Variants in NFATC3 observed in about 807,000 individuals in gnomAD.
NFATC3 encodes nuclear factor of activated T-cells, cytoplasmic 3.
A neutral mutation model predicts 98.6 loss-of-function variants in NFATC3; 46 were observed. The ratio of observed to expected loss-of-function variants is 0.47; its 90% confidence interval spans 0.37 to 0.60. The LOEUF (loss-of-function observed/expected upper bound fraction) is 0.60. Among genes scored for constraint, NFATC3 ranks in the 20% least tolerant of loss-of-function variants. NFATC3 has a pLI of 0.00. For synonymous variants in NFATC3, 512 were observed against 472.2 expected, an observed-to-expected ratio of 1.08 and a Z score of -1.09; for missense variants, 1,256 against 1,295.5, an observed-to-expected ratio of 0.97 and a Z score of 0.47.
At chr16:68,218,774 A>G (rs1253693516) in intron 9 of NFATC3, among the ~76,000 whole-genome samples, 2 of 150,672 alleles carry the variant, frequency 1.3e-5, no homozygotes, top group Non-Finnish European at 3.0e-5. Context: ...GGGTTTCACC[A>G]TGTTAGCCAG....
At chr16:68,102,377 A>G (rs1246890070) in intron 1 of NFATC3, among the ~76,000 whole-genome samples, 1 of 148,034 alleles carries the variant, frequency 6.8e-6, no homozygotes, top group Non-Finnish European at 1.5e-5. Context: ...ATCTCAGGAA[A>G]AAAAAAAAAA....
chr16:68,174,488 A>C lies in NFATC3; in HGVS notation c.1889A>C (p.Lys630Thr), dbSNP rs1285382113. The C allele has an allele frequency of 6.2e-7, 1 of 1,602,574 alleles. No individual in the cohort carries two copies. The highest frequency in any genetic ancestry group is 8.5e-7 in the Non-Finnish European group (1 of 1,175,430). The change falls in exon 6 of 10, where the codon AAA becomes ACA. Residue 630 changes from lysine to threonine, a missense_variant. Around this residue, in one of 3 missense-constraint regions of NFATC3, gnomAD observed 636 missense variants for 617.3 expected, o/e 1.03. Transcript: ENST00000346183. ...VTGSNFLPES[K>T]IIFLEKGQDG... is the part of the protein sequence containing the mutation. ...GGATCTAATTTTCTTCCAGAATCCA[A>C]AATCATTTTTCTTGAAAAAGGACAA...
chr16:68,220,221 C>T (rs532726271), intron 9 of NFATC3, among the ~76,000 whole-genome samples: 1 of 152,114 alleles, frequency 6.6e-6, no homozygotes, highest in African/African-American at 2.4e-5. Context: ...TCACTTTGCT[C>T]TTTAAAGGGA....
intron 3 of NFATC3, among the ~76,000 whole-genome samples, chr16:68,156,838 C>G (rs2038644248): frequency 6.6e-6 from 1 of 152,042 alleles, no homozygotes; most frequent in African/African-American, 2.4e-5. Context: ...ACTCGGGAGG[C>G]TGAGGCAGGA....
chr16:68,124,383 A>G (rs1209229078), intron 2 of NFATC3, among the ~76,000 whole-genome samples: 1 of 150,352 alleles, frequency 6.7e-6, no homozygotes, highest in African/African-American at 2.4e-5. Context: ...AAGTGCCAGG[A>G]TTACAGGCAG....
chr16:68,091,255 G>C (rs898938566), intron 1 of NFATC3, among the ~76,000 whole-genome samples: 1 of 152,134 alleles, frequency 6.6e-6, no homozygotes, highest in South Asian at 2.1e-4. Flanking sequence ...AGTTGTGGGG[G>C]TTAAGTAAGG....
In NFATC3 at chr16:68,085,972, G is replaced by A. The variant is rs1227776314; in HGVS notation, c.103+188G>A. On this transcript the variant is annotated intron_variant, in intron 1 of 9. Transcript: ENST00000346183. ...GAGGCGTGTGGGTCGCTGCGACGTG[G>A]AAGTGGTGGCGGGCTTGGCTGGAAG... 6 of 467,900 alleles carry A rather than the reference G, an allele frequency of 1.3e-5. No homozygotes were observed. The Admixed American group carries it at 1.8e-4, about 14-fold the overall frequency. The allele number at this position is 467,900 out of a possible 1,614,324, so 29.0% of individuals were successfully genotyped here.
chr16:68,151,061 G>C (rs1277612876), intron 3 of NFATC3, among the ~76,000 whole-genome samples: 2 of 152,094 alleles, frequency 1.3e-5, no homozygotes, highest in Non-Finnish European at 2.9e-5. Flanking sequence ...TAATACAGTA[G>C]TTTAAAAGTA....
rs555748423 is a variant in NFATC3, at chr16:68,130,066, A to G, written c.1401+3456A>G. ...TCCATTCATCCACTGACGAACACTT[A>G]TTTTGGTTCCATATCTTGGCCGTTA... On this transcript the variant is annotated intron_variant, in intron 3 of 9. Coordinates refer to ENST00000346183, the MANE Select transcript of NFATC3 (RefSeq NM_173165.3). Among the ~76,000 whole-genome samples, 24 of 152,284 alleles carry G rather than the reference A, an allele frequency of 1.6e-4. No homozygotes were observed. In the South Asian group the frequency reaches 5.0e-3, roughly 32 times the overall value.
chr16:68,204,812 G>T (rs904646279), intron 9 of NFATC3, among the ~76,000 whole-genome samples: 3 of 152,172 alleles, frequency 2.0e-5, no homozygotes, highest in East Asian at 1.9e-4. Context: ...GGAACAAAAA[G>T]ATTTTTTAAT....
rs536543682 is a variant in NFATC3, at chr16:68,111,212, T to G, written c.104-10775T>G. Among the ~76,000 whole-genome samples the G allele has an allele frequency of 4.6e-5, 7 of 152,348 alleles. No homozygotes were observed. In the South Asian group the frequency reaches 8.3e-4, roughly 18 times the overall value. ...TTTGTCTCGATGATCTGTCTGATAT[T>G]GACAGTGGGGTGTTAAGTCTCCCAC... On this transcript the variant is annotated intron_variant, in intron 1 of 9. Transcript: ENST00000346183.
At chr16:68,095,104 A>T (rs948275219) in intron 1 of NFATC3, among the ~76,000 whole-genome samples, 4 of 152,156 alleles carry the variant, frequency 2.6e-5, no homozygotes, top group Non-Finnish European at 5.9e-5. Context: ...TCTGTTAGGG[A>T]GGAAGAAAGA....
At chr16:68,213,907 T>G (rs945640066) in intron 9 of NFATC3, among the ~76,000 whole-genome samples, 4 of 152,222 alleles carry the variant, frequency 2.6e-5, no homozygotes, top group African/African-American at 9.6e-5. Flanking sequence ...AGATTTTGAT[T>G]TTGTGGTTTG....
chr16:68,094,461 TA>T (rs2034900167), intron 1 of NFATC3, among the ~76,000 whole-genome samples: 1 of 152,182 alleles, frequency 6.6e-6, no homozygotes, highest in African/African-American at 2.4e-5. Context: ...TGATTGAATT[TA>T]GGATGCAAGG....
chr16:68,099,710 C>T (rs868362207), intron 1 of NFATC3, among the ~76,000 whole-genome samples: 3 of 152,082 alleles, frequency 2.0e-5, no homozygotes, highest in Non-Finnish European at 2.9e-5. Context: ...AACCCAGTCT[C>T]AAATTCCTGG....
At chr16:68,156,339 C>CAAT (rs1436905488) in intron 3 of NFATC3, among the ~76,000 whole-genome samples, 1 of 151,986 alleles carries the variant, frequency 6.6e-6, no homozygotes, top group Non-Finnish European at 1.5e-5. Context: ...ACAACAAAAA[C>CAAT]AAAAACAAAT....
At chr16:68,199,314 C>G (rs967177786) in intron 9 of NFATC3, among the ~76,000 whole-genome samples, 8 of 149,404 alleles carry the variant, frequency 5.4e-5, no homozygotes, top group Non-Finnish European at 1.0e-4. Context: ...AGCTCCGCCT[C>G]CCGGGTTCAC....
chr16:68,175,060 A>C (rs1385364097), intron 6 of NFATC3, among the ~76,000 whole-genome samples: 3 of 152,240 alleles, frequency 2.0e-5, no homozygotes, highest in Non-Finnish European at 2.9e-5. Flanking sequence ...ACAAAATGTG[A>C]TATATCCATA....
chr16:68,210,231 G>A (rs1242272167), intron 9 of NFATC3, among the ~76,000 whole-genome samples: 3 of 151,446 alleles, frequency 2.0e-5, no homozygotes, highest in Non-Finnish European at 4.4e-5. Context: ...CCGGAAGGCG[G>A]AGCTTGCAGT....
Sources: gnomAD v4.1 joint callset for allele counts (sites outside exome capture counted in the v4.1 genomes callset) on GRCh38, gnomAD v4.1.1 for gene constraint, gnomAD v4.1.1 regional missense constraint, MANE v1.5 for transcripts, NCBI Gene and HGNC (gene_info 2026-07-23, HGNC 2026-07-21) for gene names.